The following CNTN4 variants were observed in gnomAD, a reference collection of about 807,000 sequenced individuals.
The protein encoded by CNTN4 is contactin-4.
A neutral mutation model predicts 122.5 loss-of-function variants in CNTN4; 77 were observed. The observed-to-expected ratio is 0.63, with a 90% confidence interval of 0.52 to 0.76. CNTN4 has a LOEUF of 0.76. Among genes scored for constraint, CNTN4 ranks in the 30% least tolerant of loss-of-function variants. The pLI, the probability that CNTN4 is intolerant of heterozygous loss-of-function variation, is 0.00. For synonymous variants in CNTN4, 512 were observed against 447.0 expected, an observed-to-expected ratio of 1.15 and a Z score of -1.83; for missense variants, 1,256 against 1,259.1, an observed-to-expected ratio of 1.00 and a Z score of 0.04.
At chr3:2,420,454 G>A (rs1439221367) in intron 3 of CNTN4, among the ~76,000 whole-genome samples, 1 of 145,806 alleles carries the variant, frequency 6.9e-6, no homozygotes, top group Non-Finnish European at 1.5e-5. Flanking sequence ...TTTTTCCTTT[G>A]AGACAGAGTC....
At chr3:2,907,273 T>C (rs932444995) in intron 12 of CNTN4, among the ~76,000 whole-genome samples, 3 of 152,164 alleles carry the variant, frequency 2.0e-5, no homozygotes, top group Admixed American at 1.3e-4. Flanking sequence ...AGATAATCTC[T>C]TGTTAAGATT....
rs561578092 is a variant in CNTN4, at chr3:3,017,312, T to G, written c.1487-8790T>G. Reference sequence around the variant, plus strand: ...TAATTCCTCAATGGAAAACAAATCTTAGAGAAAAGTAAATGTGTCTAAAAG... The same window carrying G: ...TAATTCCTCAATGGAAAACAAATCTGAGAGAAAAGTAAATGTGTCTAAAAG... On this transcript the variant is annotated intron_variant, in intron 14 of 24. Coordinates refer to ENST00000418658, the MANE Select transcript of CNTN4 (RefSeq NM_175607.3). 2.0e-4 allele frequency among the ~76,000 whole-genome samples: 30 copies of G among 152,276 alleles called. No individual in the cohort carries two copies. The South Asian group carries it at 2.3e-3, about 12-fold the overall frequency.
At chr3:2,718,982 C>T (rs1429695607) in intron 4 of CNTN4, among the ~76,000 whole-genome samples, 1 of 152,132 alleles carries the variant, frequency 6.6e-6, no homozygotes, top group Non-Finnish European at 1.5e-5. Context: ...CCCCCATCTA[C>T]TTATCAATGT....
intron 10 of CNTN4, among the ~76,000 whole-genome samples, chr3:2,895,077 G>C (rs1011912756): frequency 6.6e-6 from 1 of 152,126 alleles, no homozygotes; most frequent in South Asian, 2.1e-4. Context: ...TCAGCTCACC[G>C]TGATTCTCGC....
intron 2 of CNTN4, among the ~76,000 whole-genome samples, chr3:2,169,128 A>G (rs946832363): frequency 2.0e-5 from 3 of 152,184 alleles, no homozygotes; most frequent in Non-Finnish European, 4.4e-5. Flanking sequence ...GGCTGTACGA[A>G]GTAACATTAA....
At chr3:2,502,313 C>A (rs2076617408) in intron 3 of CNTN4, among the ~76,000 whole-genome samples, 1 of 152,146 alleles carries the variant, frequency 6.6e-6, no homozygotes, top group African/African-American at 2.4e-5. Context: ...TGGTGCATTC[C>A]TCTAGTATCC....
At chr3:2,834,997 C>CG (rs1191116468) in intron 7 of CNTN4, among the ~76,000 whole-genome samples, 2 of 148,938 alleles carry the variant, frequency 1.3e-5, no homozygotes, top group African/African-American at 5.0e-5. Context: ...CTCCGCCTCC[C>CG]GGGTTCACAC....
intron 3 of CNTN4, among the ~76,000 whole-genome samples, chr3:2,382,317 G>T (rs890584518): frequency 6.6e-6 from 1 of 151,500 alleles, no homozygotes. Context: ...TTACAGGCGC[G>T]CTGTAATTTT....
chr3:2,932,310 G>A (rs1319572774), intron 13 of CNTN4, among the ~76,000 whole-genome samples: 5 of 152,098 alleles, frequency 3.3e-5, no homozygotes, highest in South Asian at 2.1e-4. Context: ...CCCAGAAGGC[G>A]GAGCTTGCAG....
chr3:2,818,653 A>G (rs1394954487), intron 6 of CNTN4, among the ~76,000 whole-genome samples: 1 of 152,208 alleles, frequency 6.6e-6, no homozygotes, highest in South Asian at 2.1e-4. Flanking sequence ...AATATGTCTC[A>G]CTTTATTAGA....
Position 2,709,868 on chromosome 3 carries a change from C to G in CNTN4, c.56-26347C>G, listed in dbSNP as rs1414223762. Among the ~76,000 whole-genome samples the G allele has an allele frequency of 1.3e-5, 2 of 152,014 alleles. No homozygotes were observed. Among genetic ancestry groups the G allele is most frequent in the Admixed American group, 6.6e-5 (1 of 15,264 alleles). On this transcript the variant is annotated intron_variant, in intron 4 of 24. Coordinates refer to ENST00000418658, the MANE Select transcript of CNTN4 (RefSeq NM_175607.3). This position sits in a 1 kb window ranked among gnomAD's most constrained non-coding sequence, Gnocchi z 5.0. ...TGAGCTGAGACTGCGCCACTGCACT[C>G]CAGCCTGGGTGACAGGGCAAGACCC...
intron 2 of CNTN4, among the ~76,000 whole-genome samples, chr3:2,178,656 TGAG>T (rs1321814126): frequency 3.3e-5 from 5 of 152,186 alleles, no homozygotes; most frequent in Admixed American, 2.0e-4. Context: ...AGACTGGAAA[TGAG>T]GAGAATTGAA....
At position 2,841,362 on chromosome 3, in the gene CNTN4, T is replaced by C. The variant is rs2093358732; in HGVS notation, c.454+21781T>C. Among the ~76,000 whole-genome samples, 1 of 152,192 alleles carries C rather than the reference T, an allele frequency of 6.6e-6. No homozygotes were observed. Among genetic ancestry groups the C allele is most frequent in the Non-Finnish European group, 1.5e-5 (1 of 68,036 alleles). On this transcript the variant is annotated intron_variant, in intron 7 of 24. Transcript: ENST00000418658. The surrounding 1 kb of genome is among the most constrained non-coding windows in gnomAD (Gnocchi z 4.8). Reference sequence around the variant, plus strand: ...CATTATTATATCCTACAATCACTCATATATCTTTATTTTTCCAACTCTACC... The same window carrying C: ...CATTATTATATCCTACAATCACTCACATATCTTTATTTTTCCAACTCTACC...
At chr3:2,678,977 G>A (rs1368946406) in intron 4 of CNTN4, among the ~76,000 whole-genome samples, 3 of 152,124 alleles carry the variant, frequency 2.0e-5, no homozygotes, top group Non-Finnish European at 4.4e-5. Flanking sequence ...AACTGAAAAA[G>A]TGCACATGTG....
intron 4 of CNTN4, among the ~76,000 whole-genome samples, chr3:2,641,764 G>C (rs999860976): frequency 1.3e-5 from 2 of 152,156 alleles, no homozygotes; most frequent in Non-Finnish European, 2.9e-5. Context: ...TTGCTGTTTT[G>C]CCAGAGCTGA....
intron 9 of CNTN4, 136 bp downstream of exon 9, chr3:2,883,383 A>T: frequency 1.4e-6 from 1 of 699,260 alleles, no homozygotes; most frequent in South Asian, 1.5e-5. Context: ...AATTCTGTGT[A>T]TGCATCTTGG....
rs553571173 is a variant in CNTN4 at position 2,659,403 on chromosome 3, G to A, written c.56-76812G>A. 5.6e-4 allele frequency among the ~76,000 whole-genome samples: 83 copies of A among 149,292 alleles called. 1 individual carries two copies. The highest frequency in any genetic ancestry group is 1.7e-3 in the African/African-American group (70 of 40,498). On this transcript the variant is annotated intron_variant, in intron 4 of 24. Coordinates refer to ENST00000418658, the MANE Select transcript of CNTN4 (RefSeq NM_175607.3). The stretch of plus-strand genomic sequence containing the variant: ...CTTGAACCCAGGAGGTGGAGGTTGC[G>A]GTGAGCCGAGATCACATCACTGCAC...
At chr3:3,001,783 G>A (rs1188666472) in intron 14 of CNTN4, among the ~76,000 whole-genome samples, 1 of 152,118 alleles carries the variant, frequency 6.6e-6, no homozygotes, top group Non-Finnish European at 1.5e-5. Flanking sequence ...ATGGGGATTT[G>A]AGAAGACGAC....
intron 3 of CNTN4, among the ~76,000 whole-genome samples, chr3:2,496,459 G>A (rs1000297996): frequency 2.6e-5 from 4 of 152,016 alleles, no homozygotes; most frequent in Non-Finnish European, 4.4e-5. Context: ...ATTTATTATC[G>A]ATGAAGTGAA....
Sources: gnomAD v4.1 joint callset for allele counts (sites outside exome capture counted in the v4.1 genomes callset) on GRCh38, gnomAD v4.1.1 for gene constraint, Gnocchi (gnomAD v3.1) non-coding constraint, MANE v1.5 for transcripts, NCBI Gene and HGNC (gene_info 2026-07-23, HGNC 2026-07-21) for gene names.